The following GRM5 variants were observed in gnomAD, a reference collection of about 807,000 sequenced individuals.
GRM5 encodes metabotropic glutamate receptor 5.
GRM5 carries 19 observed loss-of-function variants against 83.1 expected under a neutral mutation model. That is an observed-to-expected ratio of 0.23 (90% CI 0.16 to 0.34). The LOEUF is 0.34. GRM5 is among the 10% of genes least tolerant of loss of function. The probability of loss-of-function intolerance (pLI) is 1.00; values close to 1 mark genes in which losing one functional copy is unlikely to be tolerated. For synonymous variants in GRM5, 675 were observed against 633.6 expected (o/e 1.07, Z -0.98); for missense variants, 1,160 against 1,588.3 (o/e 0.73, Z 4.58).
intron 8 of GRM5, among the ~76,000 whole-genome samples, chr11:88,526,516 T>A (rs569032462): frequency 6.6e-6 from 1 of 152,208 alleles, no homozygotes; most frequent in South Asian, 2.1e-4. Flanking sequence ...TTTCCCTAAT[T>A]AAACTGGAGC....
At chr11:89,023,224 T>A (rs891209515) in intron 2 of GRM5, among the ~76,000 whole-genome samples, 10 of 152,054 alleles carry the variant, frequency 6.6e-5, no homozygotes, top group African/African-American at 2.4e-4. Flanking sequence ...AGAATAATGA[T>A]GAAGAATCTT....
At chr11:88,887,254 A>G (rs770373402) in intron 2 of GRM5, among the ~76,000 whole-genome samples, 1 of 152,202 alleles carries the variant, frequency 6.6e-6, no homozygotes, top group Non-Finnish European at 1.5e-5. Context: ...TCTGCCTCCA[A>G]TTAGAATGGT....
chr11:88,689,429 T>G (rs1940725272), intron 3 of GRM5, among the ~76,000 whole-genome samples: 2 of 152,292 alleles, frequency 1.3e-5, no homozygotes, highest in South Asian at 2.1e-4. Context: ...CATACAAAAA[T>G]GGCAGAAGAA....
chr11:88,726,544 A>G (rs1941685635), intron 3 of GRM5, among the ~76,000 whole-genome samples: 1 of 152,212 alleles, frequency 6.6e-6, no homozygotes, highest in Non-Finnish European at 1.5e-5. Flanking sequence ...CAAAAACACC[A>G]CAAAGATAAT....
intron 3 of GRM5, among the ~76,000 whole-genome samples, chr11:88,687,531 T>TAC (rs751434102): frequency 0.14 from 3,964 of 29,320 alleles, 437 homozygotes; most frequent in Middle Eastern, 0.24. Context: ...CACACATACA[T>TAC]ATATATACAC....
chr11:89,035,998 T>C (rs1941375323), intron 2 of GRM5, among the ~76,000 whole-genome samples: 1 of 152,092 alleles, frequency 6.6e-6, no homozygotes, highest in African/African-American at 2.4e-5. Context: ...AAGTTATCTA[T>C]CTACTGCTTG....
chr11:89,010,689 T>G lies in GRM5; in HGVS notation c.661+36523A>C, dbSNP rs556220927. ...TTTAAAAATTATTGATATAAACAAC[T>G]TTTTAGATGACTAAGTGGAAACACA... On this transcript the variant is annotated intron_variant, in intron 2 of 9. Transcript: ENST00000305447. 6.1e-3 allele frequency among the ~76,000 whole-genome samples: 925 copies of G among 151,692 alleles called. 9 individuals carry two copies. Among genetic ancestry groups the G allele is most frequent in the African/African-American group, 0.021 (882 of 41,318 alleles).
At chr11:88,741,819 G>A (rs528693793) in intron 3 of GRM5, among the ~76,000 whole-genome samples, 8 of 152,114 alleles carry the variant, frequency 5.3e-5, no homozygotes, top group Non-Finnish European at 5.9e-5. Context: ...TGTGTGGGTG[G>A]GAGGGTTAAG....
chr11:88,589,741 C>T (rs1265243336), intron 7 of GRM5, among the ~76,000 whole-genome samples: 2 of 152,200 alleles, frequency 1.3e-5, no homozygotes, highest in Non-Finnish European at 2.9e-5. Context: ...GTGCCCTCCT[C>T]ATGCTCCTAT....
chr11:88,713,593 C>G (rs1256133406), intron 3 of GRM5, among the ~76,000 whole-genome samples: 4 of 151,964 alleles, frequency 2.6e-5, no homozygotes, highest in African/African-American at 9.7e-5. Flanking sequence ...CTTTTACTCT[C>G]CCAGGGTGGA....
At chr11:88,630,804 G>A (rs907745086) in intron 4 of GRM5, among the ~76,000 whole-genome samples, 7 of 151,970 alleles carry the variant, frequency 4.6e-5, no homozygotes, top group East Asian at 1.9e-4. Flanking sequence ...TCTCGAACTC[G>A]TGACCTCAGG....
intron 2 of GRM5, among the ~76,000 whole-genome samples, chr11:88,990,792 G>T (rs1056842267): frequency 1.3e-5 from 2 of 151,476 alleles, no homozygotes; most frequent in Admixed American, 1.3e-4. Context: ...TGCAGAAAAG[G>T]CCTTTGACAA....
At chr11:88,806,351 GA>G (rs1391644161) in intron 3 of GRM5, among the ~76,000 whole-genome samples, 1 of 152,168 alleles carries the variant, frequency 6.6e-6, no homozygotes, top group East Asian at 1.9e-4. Context: ...ATTTATTAAA[GA>G]TATGGTGTGT....
chr11:89,020,003 G>A (rs1229326066), intron 2 of GRM5, among the ~76,000 whole-genome samples: 1 of 152,150 alleles, frequency 6.6e-6, no homozygotes, highest in Non-Finnish European at 1.5e-5. Flanking sequence ...TCTCAACAGT[G>A]CAAAATCTGG....
intron 3 of GRM5, among the ~76,000 whole-genome samples, chr11:88,837,808 GGC>G (rs1365987990): frequency 6.6e-6 from 1 of 152,118 alleles, no homozygotes; most frequent in Non-Finnish European, 1.5e-5. Flanking sequence ...ACGTCGGCCG[GGC>G]GCGGTGGCTC....
At chr11:88,570,571 A>ATATATATATATATTT (rs1405339448) in intron 7 of GRM5, among the ~76,000 whole-genome samples, 2 of 46,378 alleles carry the variant, frequency 4.3e-5, no homozygotes, top group African/African-American at 2.7e-4. Flanking sequence ...ATATATATAT[A>ATATATATATATATTT]TTTTTTTTTT....
chr11:88,617,774 C>T (rs184910028), intron 4 of GRM5, among the ~76,000 whole-genome samples: 1 of 152,202 alleles, frequency 6.6e-6, no homozygotes, highest in East Asian at 1.9e-4. Flanking sequence ...AGCCTTTCCC[C>T]ACTTGGTTCC....
intron 9 of GRM5, among the ~76,000 whole-genome samples, chr11:88,509,809 C>A (rs1216954233): frequency 6.6e-6 from 1 of 152,140 alleles, no homozygotes; most frequent in African/African-American, 2.4e-5. Flanking sequence ...AGTTCTGAGC[C>A]CACCTGTGAG....
intron 2 of GRM5, among the ~76,000 whole-genome samples, chr11:88,865,636 G>C (rs1467909761): frequency 6.6e-6 from 1 of 151,860 alleles, no homozygotes; most frequent in Non-Finnish European, 1.5e-5. Context: ...CTACAGAATG[G>C]GAGAAAAGTT....
Sources: allele counts gnomAD v4.1 joint callset (sites outside exome capture counted in the v4.1 genomes callset), GRCh38; gene constraint gnomAD v4.1.1; transcripts MANE v1.5; gene names NCBI Gene and HGNC (gene_info 2026-07-23, HGNC 2026-07-21).